Variants in RBFOX1 observed in about 807,000 individuals in gnomAD.
RBFOX1 encodes the protein RNA binding protein fox-1 homolog 1.
A neutral mutation model predicts 57.7 loss-of-function variants in RBFOX1; 8 were observed. That is an observed-to-expected ratio of 0.14 (90% CI 0.08 to 0.25). The LOEUF is 0.25. Ranked by LOEUF, RBFOX1 falls within the 10% of genes least tolerant of loss-of-function variation. The pLI is 1.00. For missense variants in RBFOX1, 611 were observed against 548.5 expected, an observed-to-expected ratio of 1.11 and a Z score of -1.14; for synonymous variants, 326 against 222.4, an observed-to-expected ratio of 1.47 and a Z score of -4.15.
chr16:6,934,156 A>G (rs935889918), intron 3 of RBFOX1, among the ~76,000 whole-genome samples: 2 of 152,164 alleles, frequency 1.3e-5, no homozygotes, highest in Admixed American at 1.3e-4. Flanking sequence ...CTTCTGGTAC[A>G]GAGTTTTCCT....
chr16:5,980,077 C>T (rs1272335475), intron 4 of RBFOX1, among the ~76,000 whole-genome samples: 1 of 152,204 alleles, frequency 6.6e-6, no homozygotes, highest in Non-Finnish European at 1.5e-5. Flanking sequence ...CTCCCTCTCT[C>T]TAGGAACTTA....
chr16:6,705,735 G>A (rs1298293173), intron 3 of RBFOX1, among the ~76,000 whole-genome samples: 1 of 152,154 alleles, frequency 6.6e-6, no homozygotes, highest in East Asian at 1.9e-4. Flanking sequence ...TTATAAATTA[G>A]GGCCTGGCAT....
chr16:7,597,565 A>T, intron 9 of RBFOX1, 134 bp downstream of exon 9: 1 of 684,990 alleles, frequency 1.5e-6, no homozygotes, highest in Non-Finnish European at 2.4e-6. Context: ...GACCTGCTAC[A>T]GTGAACCACC....
chr16:5,751,343 C>G, intron 3 of RBFOX1, among the ~76,000 whole-genome samples: 1 of 146,042 alleles, frequency 6.8e-6, no homozygotes, highest in South Asian at 2.2e-4. Flanking sequence ...TTTGTGCATC[C>G]CTTATCTTTC....
At chr16:7,072,230 C>A (rs771167089) in intron 4 of RBFOX1, among the ~76,000 whole-genome samples, 11 of 152,142 alleles carry the variant, frequency 7.2e-5, no homozygotes, top group East Asian at 1.9e-4. Flanking sequence ...GATCACTGAA[C>A]CTTCTATTCA....
At chr16:6,632,851 C>T (rs2098401275) in intron 2 of RBFOX1, among the ~76,000 whole-genome samples, 1 of 152,182 alleles carries the variant, frequency 6.6e-6, no homozygotes, top group Non-Finnish European at 1.5e-5. Context: ...TTTCTTAAAA[C>T]CTGTTAACCT....
intron 1 of RBFOX1, among the ~76,000 whole-genome samples, chr16:5,412,866 C>A (rs541607937): frequency 1.3e-5 from 2 of 152,180 alleles, no homozygotes; most frequent in East Asian, 3.9e-4. Flanking sequence ...CCTGAGCAGA[C>A]AACTGTGAGC....
chr16:6,583,602 C>T (rs917605658), intron 2 of RBFOX1, among the ~76,000 whole-genome samples: 1 of 152,338 alleles, frequency 6.6e-6, no homozygotes, highest in East Asian at 1.9e-4. Context: ...TGGATTCTAT[C>T]CATTCTCTGT....
At chr16:7,199,038 C>G (rs1431776192) in intron 4 of RBFOX1, among the ~76,000 whole-genome samples, 2 of 152,096 alleles carry the variant, frequency 1.3e-5, no homozygotes, top group African/African-American at 2.4e-5. Context: ...AGTTTCAGTT[C>G]CAAGGGACAA....
intron 4 of RBFOX1, among the ~76,000 whole-genome samples, chr16:7,490,392 T>C (rs1014583867): frequency 3.3e-5 from 5 of 152,192 alleles, no homozygotes; most frequent in African/African-American, 4.8e-5. Context: ...CTACTGGAGC[T>C]TGTAGCTACT....
intron 3 of RBFOX1, among the ~76,000 whole-genome samples, chr16:6,872,146 A>C (rs2061028230): frequency 6.6e-6 from 1 of 152,142 alleles, no homozygotes; most frequent in African/African-American, 2.4e-5. Flanking sequence ...TTTTCCACCA[A>C]ATGGAAAACT....
intron 3 of RBFOX1, among the ~76,000 whole-genome samples, chr16:6,862,234 C>G (rs986301587): frequency 6.6e-6 from 1 of 152,120 alleles, no homozygotes; most frequent in African/African-American, 2.4e-5. Flanking sequence ...AGTTATTGCA[C>G]ATAAGAAACC....
At chr16:6,999,286 G>C (rs1344215231) in intron 3 of RBFOX1, among the ~76,000 whole-genome samples, 1 of 147,482 alleles carries the variant, frequency 6.8e-6, no homozygotes, top group African/African-American at 2.5e-5. Context: ...TGAACTCCTG[G>C]GTTCAAGCGG....
chr16:6,947,521 G>T (rs771235283), intron 3 of RBFOX1, among the ~76,000 whole-genome samples: 20 of 152,186 alleles, frequency 1.3e-4, no homozygotes, highest in Non-Finnish European at 1.2e-4. Context: ...AAAGAGATGT[G>T]AGATGAGAGA....
chr16:6,483,299 C>T (rs1567384154), intron 2 of RBFOX1: 3 of 1,398,380 alleles, frequency 2.1e-6, no homozygotes, highest in East Asian at 2.7e-5. Flanking sequence ...GCTGCTCGCT[C>T]TCGCGCCCGC....
chr16:5,634,531 T>C (rs1311277647), intron 3 of RBFOX1, among the ~76,000 whole-genome samples: 1 of 152,192 alleles, frequency 6.6e-6, no homozygotes, highest in African/African-American at 2.4e-5. Flanking sequence ...CTAAGTGTGA[T>C]TAAGGATACA....
At chr16:6,233,449 T>C (rs1211068132) in intron 1 of RBFOX1, among the ~76,000 whole-genome samples, 1 of 152,028 alleles carries the variant, frequency 6.6e-6, no homozygotes, top group Non-Finnish European at 1.5e-5. Context: ...CCAAACAGCC[T>C]GATTATATTA....
intron 14 of RBFOX1, among the ~76,000 whole-genome samples, chr16:7,698,929 G>GA (rs1421641237): frequency 3.2e-4 from 48 of 152,298 alleles, no homozygotes; most frequent in Non-Finnish European, 6.5e-4. Flanking sequence ...GTCTGAATTA[G>GA]CCTAAGTGGG....
chr16:6,660,346 G>C (rs940712249), intron 3 of RBFOX1, among the ~76,000 whole-genome samples: 1 of 151,970 alleles, frequency 6.6e-6, no homozygotes, highest in Non-Finnish European at 1.5e-5. Flanking sequence ...TATGACACAC[G>C]ATTACTTATA....
Sources: allele counts gnomAD v4.1 joint callset (sites outside exome capture counted in the v4.1 genomes callset), GRCh38; gene constraint gnomAD v4.1.1; transcripts MANE v1.5; gene names NCBI Gene and HGNC (gene_info 2026-07-23, HGNC 2026-07-21).